FRMD4A: variants seen among roughly 807,000 people sequenced by gnomAD.
FRMD4A encodes the protein FERM domain-containing protein 4A.
In FRMD4A, 29 loss-of-function variants were observed where a neutral mutation model predicts 129.1. That is an observed-to-expected ratio of 0.22 (90% CI 0.17 to 0.31). FRMD4A has a LOEUF of 0.31. Among genes scored for constraint, FRMD4A ranks in the 10% least tolerant of loss-of-function variants. The pLI is 1.00. For missense variants in FRMD4A, 1,272 were observed against 1,375.8 expected (o/e 0.92, Z 1.19); for synonymous variants, 634 against 571.6 (o/e 1.11, Z -1.56).
At chr10:13,667,517 G>A (rs2083155794) in intron 17 of FRMD4A, 1 of 152,250 alleles carries the variant, frequency 6.6e-6, no homozygotes, top group Non-Finnish European at 1.5e-5. Context: ...CCTAGCGGAT[G>A]ACACCTAGAC....
chr10:13,660,288 A>C (rs762646682), intron 20 of FRMD4A, 28 bp downstream of exon 20: 3 of 1,432,184 alleles, frequency 2.1e-6, no homozygotes, highest in Non-Finnish European at 3.0e-6. Context: ...GGGAGGCCTC[A>C]TTTGGCCTCA....
At chr10:14,082,428 C>T (rs1301742603) in intron 2 of FRMD4A, among the ~76,000 whole-genome samples, 1 of 152,086 alleles carries the variant, frequency 6.6e-6, no homozygotes, top group East Asian at 1.9e-4. Context: ...CTAGGAGTAG[C>T]TAGACGTCCT....
At position 13,835,525 on chromosome 10, in the gene FRMD4A, A is replaced by G. The variant is rs1437360835; in HGVS notation, c.111+23322T>C. 2.6e-5 allele frequency among the ~76,000 whole-genome samples: 4 copies of G among 152,136 alleles called. No individual in the cohort carries two copies. The East Asian group carries it at 5.8e-4, about 22-fold the overall frequency. On this transcript the variant is annotated intron_variant, in intron 3 of 24. Transcript: ENST00000357447. ...TATTTATAGCAGCTCCCCATCGCGC[A>G]TTATTGCCTGAGTTCCACCTCCCTT... is the stretch of plus-strand genomic sequence containing the variant.
At chr10:14,006,526 G>C (rs922024691) in intron 2 of FRMD4A, among the ~76,000 whole-genome samples, 14 of 152,150 alleles carry the variant, frequency 9.2e-5, no homozygotes, top group African/African-American at 3.1e-4. Flanking sequence ...TTTATCTGGA[G>C]AACATAATGG....
At chr10:13,969,525 G>T (rs571107981) in intron 2 of FRMD4A, among the ~76,000 whole-genome samples, 3 of 152,162 alleles carry the variant, frequency 2.0e-5, no homozygotes, top group Admixed American at 2.0e-4. Flanking sequence ...GGCCCCTGAG[G>T]CGGGGCTAGC....
chr10:13,994,165 C>T (rs779850643), intron 2 of FRMD4A, among the ~76,000 whole-genome samples: 134 of 145,362 alleles, frequency 9.2e-4, no homozygotes, highest in African/African-American at 2.2e-3. Context: ...TGTGCCACCA[C>T]GCCCAGCTAA....
intron 2 of FRMD4A, among the ~76,000 whole-genome samples, chr10:14,185,098 A>G (rs1465974426): frequency 6.6e-6 from 1 of 152,210 alleles, no homozygotes; most frequent in Non-Finnish European, 1.5e-5. Context: ...CCATATGCTG[A>G]TCATCTTTTG....
At chr10:13,886,413 T>G in intron 2 of FRMD4A, among the ~76,000 whole-genome samples, 1 of 152,194 alleles carries the variant, frequency 6.6e-6, no homozygotes, top group East Asian at 1.9e-4. Flanking sequence ...TTTGGGATTC[T>G]GCATTAGGAC....
intron 2 of FRMD4A, among the ~76,000 whole-genome samples, chr10:14,064,394 G>A: frequency 6.6e-6 from 1 of 152,180 alleles, no homozygotes; most frequent in East Asian, 1.9e-4. Flanking sequence ...AGTGCCCTGT[G>A]AAAACTACCA....
At chr10:13,704,757 G>A (rs2087239593) in intron 13 of FRMD4A, among the ~76,000 whole-genome samples, 1 of 152,120 alleles carries the variant, frequency 6.6e-6, no homozygotes, top group Non-Finnish European at 1.5e-5. Context: ...TTTGTTTCTT[G>A]TGACACTCCA....
chr10:14,000,542 G>A (rs544966450), intron 2 of FRMD4A, among the ~76,000 whole-genome samples: 3 of 150,380 alleles, frequency 2.0e-5, no homozygotes, highest in South Asian at 4.2e-4. Context: ...AGCCACTCAG[G>A]AGGCTGAGGC....
chr10:14,265,196 C>T (rs1188984010), intron 2 of FRMD4A, among the ~76,000 whole-genome samples: 1 of 152,210 alleles, frequency 6.6e-6, no homozygotes, highest in South Asian at 2.1e-4. Context: ...GAGCAGGCAG[C>T]CTTCCTCGTG....
At chr10:13,823,428 A>G (rs1304415677) in intron 3 of FRMD4A, among the ~76,000 whole-genome samples, 2 of 152,224 alleles carry the variant, frequency 1.3e-5, no homozygotes, top group Non-Finnish European at 2.9e-5. Context: ...GAAAACAGAA[A>G]AAGACAGGCA....
intron 2 of FRMD4A, among the ~76,000 whole-genome samples, chr10:13,913,403 T>C (rs1475823106): frequency 1.3e-5 from 2 of 152,200 alleles, no homozygotes; most frequent in African/African-American, 4.8e-5. Flanking sequence ...AATCACTGAA[T>C]TGCGTACTTT....
Position 13,817,707 on chromosome 10 carries a change from G to A in FRMD4A, c.112-6799C>T, listed in dbSNP as rs146205242. On this transcript the variant is annotated intron_variant, in intron 3 of 24. Coordinates refer to ENST00000357447, the MANE Select transcript of FRMD4A (RefSeq NM_018027.5). ...TGCCTTTGCTTCTCCTTTGCCTTCC[G>A]CCGTGATTGTGAGGCCATGTGGAAC... Among the ~76,000 whole-genome samples the A allele has an allele frequency of 1.6e-4, 24 of 152,230 alleles. No individual in the cohort carries two copies. The East Asian group carries it at 3.9e-3, about 24-fold the overall frequency.
At chr10:13,795,226 T>C (rs1400793859) in intron 5 of FRMD4A, among the ~76,000 whole-genome samples, 1 of 152,222 alleles carries the variant, frequency 6.6e-6, no homozygotes, top group Non-Finnish European at 1.5e-5. Flanking sequence ...GAATTGTTAC[T>C]ATTTGCTTTA....
intron 2 of FRMD4A, among the ~76,000 whole-genome samples, chr10:13,871,698 C>T (rs1490203604): frequency 6.6e-6 from 1 of 152,254 alleles, no homozygotes; most frequent in African/African-American, 2.4e-5. Context: ...GCACGGGGGA[C>T]AGCCAGGGGG....
intron 2 of FRMD4A, among the ~76,000 whole-genome samples, chr10:14,076,639 CAA>C (rs1241793326): frequency 7.4e-6 from 1 of 134,606 alleles, no homozygotes; most frequent in African/African-American, 2.7e-5. Flanking sequence ...GACTCCGTCT[CAA>C]AAAAAAAAAA....
chr10:14,232,047 A>AT (rs913110702), intron 2 of FRMD4A, among the ~76,000 whole-genome samples: 7 of 152,040 alleles, frequency 4.6e-5, no homozygotes, highest in South Asian at 2.1e-4. Flanking sequence ...TTCTTCTATG[A>AT]TTTTTTTAGC....
Sources: gnomAD v4.1 joint callset for allele counts (sites outside exome capture counted in the v4.1 genomes callset) on GRCh38, gnomAD v4.1.1 for gene constraint, MANE v1.5 for transcripts, NCBI Gene and HGNC (gene_info 2026-07-23, HGNC 2026-07-21) for gene names.